The following PPFIA1 variants were observed in gnomAD, a reference collection of about 807,000 sequenced individuals.
PPFIA1 encodes PPFI scaffold protein A1, also known as liprin-alpha-1.
PPFIA1 carries 25 observed loss-of-function variants against 149.9 expected under a neutral mutation model. That is an observed-to-expected ratio of 0.17 (90% CI 0.12 to 0.23). The LOEUF (loss-of-function observed/expected upper bound fraction) is 0.23. Ranked by LOEUF, PPFIA1 falls within the 10% of genes least tolerant of loss-of-function variation. The pLI is 1.00. For missense variants in PPFIA1, 1,362 were observed against 1,506.5 expected (o/e 0.90, Z 1.59); for synonymous variants, 549 against 552.8 (o/e 0.99, Z 0.10).
At chr11:70,295,980 G>A (rs902687608) in intron 2 of PPFIA1, among the ~76,000 whole-genome samples, 1 of 151,650 alleles carries the variant, frequency 6.6e-6, no homozygotes, top group Non-Finnish European at 1.5e-5. Flanking sequence ...CGGCTGGGCA[G>A]AGACGCTCCT....
intron 21 of PPFIA1, among the ~76,000 whole-genome samples, chr11:70,367,332 G>A (rs1176361309): frequency 2.0e-5 from 3 of 152,220 alleles, no homozygotes; most frequent in Admixed American, 1.3e-4. Flanking sequence ...TTTGAGCTGC[G>A]CCGAGAGACT....
chr11:70,294,953 T>A (rs556015872), intron 2 of PPFIA1, among the ~76,000 whole-genome samples: 33 of 152,182 alleles, frequency 2.2e-4, no homozygotes, highest in Admixed American at 5.2e-4. Flanking sequence ...CATGTCTACT[T>A]CTTTCCACAC....
intron 2 of PPFIA1, among the ~76,000 whole-genome samples, chr11:70,293,381 C>G (rs1426033764): frequency 6.6e-6 from 1 of 152,230 alleles, no homozygotes; most frequent in Non-Finnish European, 1.5e-5. Flanking sequence ...TCCCATCAAT[C>G]AACTCTTGGC....
chr11:70,340,695 C>T lies in PPFIA1; in HGVS notation c.1707+1389C>T, dbSNP rs1386218604. 8.5e-5 allele frequency among the ~76,000 whole-genome samples: 13 copies of T among 152,104 alleles called. No homozygotes were observed. In the South Asian group the frequency reaches 1.7e-3, roughly 19 times the overall value. The stretch of plus-strand genomic sequence containing the variant: ...CTGCATCCCAGAGGACACAAACAGT[C>T]GACAGATAGAGTCTGGTAGTGTGTG... On this transcript the variant is annotated intron_variant, in intron 14 of 27. Transcript: ENST00000253925.
intron 21 of PPFIA1, chr11:70,363,502 T>C (rs541852952): frequency 6.6e-6 from 1 of 152,172 alleles, no homozygotes; most frequent in African/African-American, 2.4e-5. Flanking sequence ...AGCACCCATT[T>C]ATTTATTTAT....
intron 2 of PPFIA1, among the ~76,000 whole-genome samples, chr11:70,288,692 T>C (rs2051318583): frequency 2.0e-5 from 3 of 152,218 alleles, no homozygotes; most frequent in South Asian, 4.1e-4. Flanking sequence ...CTGAGGACAC[T>C]GCATATTAGA....
At chr11:70,332,438 C>T (rs187795528) in intron 9 of PPFIA1, among the ~76,000 whole-genome samples, 5 of 152,004 alleles carry the variant, frequency 3.3e-5, no homozygotes, top group East Asian at 3.9e-4. Context: ...AGGAAGATGC[C>T]GTTCTTTTAA....
rs553036654 is a variant in PPFIA1 at position 70,353,040 on chromosome 11, G to A, written c.2164-1261G>A. Among the ~76,000 whole-genome samples the A allele has an allele frequency of 3.9e-5, 6 of 152,284 alleles. No individual in the cohort carries two copies. The East Asian group carries it at 1.2e-3, about 29-fold the overall frequency. On this transcript the variant is annotated intron_variant, in intron 16 of 27. Transcript: ENST00000253925. ...CTTTGAAAGCCTTTCATTGTTTTGT[G>A]ATTGCAACTGGAAATTAGGAAAGGA...
At chr11:70,320,768 G>A (rs1194809562) in intron 2 of PPFIA1, among the ~76,000 whole-genome samples, 1 of 152,140 alleles carries the variant, frequency 6.6e-6, no homozygotes, top group Non-Finnish European at 1.5e-5. Flanking sequence ...AGTTAGATAA[G>A]GTTTCCCCAT....
intron 2 of PPFIA1, among the ~76,000 whole-genome samples, chr11:70,316,195 C>T (rs2053617828): frequency 6.6e-6 from 1 of 152,134 alleles, no homozygotes; most frequent in Non-Finnish European, 1.5e-5. Context: ...CCTCAGCCTC[C>T]CAAATAGTTG....
chr11:70,272,339 A>G lies in PPFIA1; in HGVS notation c.167A>G (p.Glu56Gly). 1 of 1,614,192 alleles carries G rather than the reference A, an allele frequency of 6.2e-7. No individual in the cohort carries two copies. Among genetic ancestry groups the G allele is most frequent in the Non-Finnish European group, 8.5e-7 (1 of 1,180,020 alleles). The change falls in exon 2 of 28, where the codon GAG becomes GGG. Residue 56 changes from glutamate to glycine, a missense_variant. Physicochemically the swap from Glu to Gly is moderately conservative, Grantham distance 98 (BLOSUM62 -2). Transcript: ENST00000253925. ...GACCGCCTTCTTGATACACTGAGAG[A>G]GACTCAAGAAACGCTGGCCTTAACC... ...ERDRLLDTLR[E>G]TQETLALTQG...
At position 70,355,512 on chromosome 11, in the gene PPFIA1, A is replaced by G. The variant is rs1186971957; in HGVS notation, c.2316-127A>G. 5 of 913,732 alleles carry G rather than the reference A, an allele frequency of 5.5e-6. No individual in the cohort carries two copies. The African/African-American group carries it at 8.3e-5, about 15-fold the overall frequency. 56.6% of individuals were successfully genotyped at this position (913,732 alleles called of 1,614,324 possible). ...CGCCGGGAGTCTGCCTTTATCATGC[A>G]TGATGCACTTGGTGAGGAAGATGTG... On this transcript the variant is annotated intron_variant, in intron 17 of 27. Coordinates refer to ENST00000253925, the MANE Select transcript of PPFIA1 (RefSeq NM_003626.5).
chr11:70,383,406 A>G lies in PPFIA1; in HGVS notation c.*416A>G. On this transcript the variant is annotated 3_prime_UTR_variant, in exon 28 of 28. Coordinates refer to ENST00000253925, the MANE Select transcript of PPFIA1 (RefSeq NM_003626.5). ...TAATTATCATTAATTTTTTAATGATAAACCATGACAAAGGATTTTACGTTT... is the reference window on the plus strand; with the variant it reads ...TAATTATCATTAATTTTTTAATGATGAACCATGACAAAGGATTTTACGTTT... 5.5e-6 allele frequency: 1 copy of G among 182,208 alleles called. No individual in the cohort carries two copies. The highest frequency in any genetic ancestry group is 1.1e-5 in the Non-Finnish European group (1 of 88,496). 11.3% of individuals were successfully genotyped at this position (182,208 alleles called of 1,614,324 possible). A position where few individuals can be genotyped will look rare whatever the true frequency, so the allele number is the denominator to read the frequency against.
intron 9 of PPFIA1, 74 bp from the exon 10 acceptor site, chr11:70,333,396 C>A: frequency 1.7e-6 from 2 of 1,173,418 alleles, no homozygotes; most frequent in Non-Finnish European, 2.5e-6. Flanking sequence ...GTGCCTGTTG[C>A]CACTGCAGTG....
chr11:70,306,619 C>A (rs1296948071), intron 2 of PPFIA1, among the ~76,000 whole-genome samples: 1 of 152,188 alleles, frequency 6.6e-6, no homozygotes, highest in African/African-American at 2.4e-5. Context: ...GATGTGTGTA[C>A]TTTCTGATAA....
At chr11:70,327,923 G>T (rs2054418716) in intron 7 of PPFIA1, among the ~76,000 whole-genome samples, 1 of 152,188 alleles carries the variant, frequency 6.6e-6, no homozygotes, top group Non-Finnish European at 1.5e-5. Flanking sequence ...GTAGTTTGAC[G>T]TTGAGTAATT....
At chr11:70,313,423 A>C (rs1028137710) in intron 2 of PPFIA1, among the ~76,000 whole-genome samples, 5 of 152,182 alleles carry the variant, frequency 3.3e-5, no homozygotes, top group Non-Finnish European at 7.3e-5. Context: ...TTTGTTTCGG[A>C]AAACATAGAG....
chr11:70,365,102 A>G (rs60867026), intron 21 of PPFIA1: 5,105 of 179,952 alleles, frequency 0.028, 323 homozygotes, highest in African/African-American at 0.12. Flanking sequence ...AGAAGTACAC[A>G]ACGTGTTTTC....
At chr11:70,272,867 A>T (rs12294540) in intron 2 of PPFIA1, among the ~76,000 whole-genome samples, 33,413 of 152,204 alleles carry the variant, frequency 0.22, 5,608 homozygotes, top group African/African-American at 0.47. Context: ...GGAAAAAAAA[A>T]ATTATTTTGA....
Sources: allele counts gnomAD v4.1 joint callset (sites outside exome capture counted in the v4.1 genomes callset), GRCh38; gene constraint gnomAD v4.1.1; transcripts MANE v1.5; gene names NCBI Gene and HGNC (gene_info 2026-07-23, HGNC 2026-07-21).